TNRC18: variants seen among roughly 807,000 people sequenced by gnomAD.
TNRC18 encodes trinucleotide repeat containing 18.
A neutral mutation model predicts 226.7 loss-of-function variants in TNRC18; 69 were observed. That is an observed-to-expected ratio of 0.30 (90% CI 0.25 to 0.37). The LOEUF (loss-of-function observed/expected upper bound fraction) is 0.37. TNRC18 is among the 10% of genes least tolerant of loss of function. The pLI, the probability that TNRC18 is intolerant of heterozygous loss-of-function variation, is 1.00. For missense variants in TNRC18, 4,754 were observed against 4,256.6 expected (o/e 1.12, Z -3.25); for synonymous variants, 2,449 against 1,927.6 (o/e 1.27, Z -7.09).
intron 14 of TNRC18, among the ~76,000 whole-genome samples, chr7:5,360,813 T>C (rs1240835419): frequency 3.3e-5 from 5 of 152,144 alleles, no homozygotes; most frequent in Admixed American, 6.5e-5. Flanking sequence ...CATGGGGGCC[T>C]TGGGGCTGTT....
intron 17 of TNRC18, among the ~76,000 whole-genome samples, chr7:5,347,996 G>A (rs776112355): frequency 3.9e-5 from 6 of 152,086 alleles, no homozygotes; most frequent in African/African-American, 1.4e-4. Context: ...ACATAAAGAA[G>A]CCCCAGCCTG....
At chr7:5,392,081 C>T (rs1408063827) in intron 3 of TNRC18, among the ~76,000 whole-genome samples, 1 of 152,026 alleles carries the variant, frequency 6.6e-6, no homozygotes, top group Non-Finnish European at 1.5e-5. Context: ...GATGTCTTCT[C>T]TCCAGCACCG....
intron 21 of TNRC18, among the ~76,000 whole-genome samples, chr7:5,323,864 G>C (rs1028871503): frequency 6.6e-6 from 1 of 152,226 alleles, no homozygotes; most frequent in East Asian, 1.9e-4. Flanking sequence ...CACCACGCTC[G>C]GCCCAGACAG....
intron 17 of TNRC18, among the ~76,000 whole-genome samples, chr7:5,350,217 G>A (rs898970147): frequency 4.6e-5 from 7 of 152,034 alleles, no homozygotes; most frequent in Non-Finnish European, 7.4e-5. Context: ...CTCGGAAAAC[G>A]AGGCTGGCCA....
At chr7:5,337,988 A>C (rs1790293703) in intron 18 of TNRC18, among the ~76,000 whole-genome samples, 1 of 152,164 alleles carries the variant, frequency 6.6e-6, no homozygotes, top group Non-Finnish European at 1.5e-5. Flanking sequence ...ATCTCAAAAA[A>C]CAAAACAAAA....
At chr7:5,358,301 C>A (rs1792669405) in intron 15 of TNRC18, among the ~76,000 whole-genome samples, 1 of 152,162 alleles carries the variant, frequency 6.6e-6, no homozygotes, top group African/African-American at 2.4e-5. Flanking sequence ...CACGCAGTTT[C>A]AAAGCCATTA....
chr7:5,359,668 G>A, intron 14 of TNRC18, 99 bp from the exon 15 acceptor site: 3 of 1,388,206 alleles, frequency 2.2e-6, no homozygotes, highest in Admixed American at 3.7e-5. Flanking sequence ...TCTGGACCCT[G>A]AGCGTGGACA....
chr7:5,318,000 T>C (rs1483215310), intron 24 of TNRC18, among the ~76,000 whole-genome samples: 1 of 152,058 alleles, frequency 6.6e-6, no homozygotes, highest in East Asian at 1.9e-4. Flanking sequence ...GCCTCCCGAG[T>C]AGCTGGGATT....
rs552299990 is a variant in TNRC18, at chr7:5,394,655, GCCCACCGCCCCGA to G, written c.188-73_188-61del. On this transcript the variant is annotated intron_variant, in intron 2 of 29. Coordinates refer to ENST00000430969, the MANE Select transcript of TNRC18 (RefSeq NM_001080495.3). The surrounding 1 kb of genome is among the most constrained non-coding windows in gnomAD (Gnocchi z 4.5). Reference sequence around the variant, plus strand: ...CAACCAGGGAGGCGCCGCCGCCCCAGCCCACCGCCCCGACCCACCGCCCCGAGACCGCCGCCTC... The same window carrying G: ...CAACCAGGGAGGCGCCGCCGCCCCAGCCCACCGCCCCGAGACCGCCGCCTC... 8.3e-4 allele frequency: 1,033 copies of G among 1,251,470 alleles called. 9 individuals are homozygous for G. The South Asian group carries it at 0.013, about 15-fold the overall frequency. 77.5% of individuals were successfully genotyped at this position (1,251,470 alleles called of 1,614,324 possible). A position where few individuals can be genotyped will look rare whatever the true frequency, so the allele number is the denominator to read the frequency against.
At chr7:5,348,289 C>T (rs148946408) in intron 17 of TNRC18, among the ~76,000 whole-genome samples, 1 of 152,342 alleles carries the variant, frequency 6.6e-6, no homozygotes, top group South Asian at 2.1e-4. Flanking sequence ...GGGTGCCCAT[C>T]TGCCTCACGG....
intron 24 of TNRC18, among the ~76,000 whole-genome samples, chr7:5,319,447 C>A (rs1788137390): frequency 6.6e-6 from 1 of 152,142 alleles, no homozygotes; most frequent in Non-Finnish European, 1.5e-5. Context: ...GTCTTTCTTG[C>A]CTGTCTGATA....
chr7:5,361,546 C>T (rs1793048957), intron 14 of TNRC18, 48 bp downstream of exon 14: 4 of 1,445,784 alleles, frequency 2.8e-6, no homozygotes, highest in African/African-American at 3.0e-5. Flanking sequence ...CGGGCTCCTC[C>T]CCTCAAGCTG....
intron 25 of TNRC18, 72 bp downstream of exon 25, chr7:5,315,884 C>T (rs1041356394): frequency 1.9e-5 from 22 of 1,180,026 alleles, no homozygotes; most frequent in African/African-American, 3.1e-5. Context: ...AGCTCAGAGC[C>T]GGGCTTGGAG....
At chr7:5,341,650 G>C (rs1000540232) in intron 18 of TNRC18, among the ~76,000 whole-genome samples, 2 of 149,240 alleles carry the variant, frequency 1.3e-5, no homozygotes, top group African/African-American at 2.5e-5. Context: ...TGTAATCCCA[G>C]CTACTCGGGA....
At chr7:5,345,846 T>C (rs1350442112) in intron 17 of TNRC18, 36 bp from the exon 18 acceptor site, 8 of 1,520,028 alleles carry the variant, frequency 5.3e-6, no homozygotes, top group Admixed American at 2.0e-5. Flanking sequence ...GTCAGAGCCT[T>C]GGCCTTGGCG....
chr7:5,349,467 G>A (rs911043311), intron 17 of TNRC18, among the ~76,000 whole-genome samples: 12 of 152,194 alleles, frequency 7.9e-5, no homozygotes, highest in African/African-American at 2.7e-4. Flanking sequence ...AAAGATCTTG[G>A]CTCAGGACAT....
intron 2 of TNRC18, among the ~76,000 whole-genome samples, chr7:5,400,119 A>T (rs1004662024): frequency 3.9e-5 from 6 of 152,038 alleles, no homozygotes; most frequent in Non-Finnish European, 8.8e-5. Flanking sequence ...GGGGTCTAGA[A>T]TTCCTGGGCT....
chr7:5,389,460 G>GTTTTTTTTTTTTTTTT, intron 4 of TNRC18, 124 bp from the exon 5 acceptor site: 2 of 535,692 alleles, frequency 3.7e-6, no homozygotes, highest in African/African-American at 6.9e-5. Flanking sequence ...TTTTGGTTTT[G>GTTTTTTTTTTTTTTTT]GTTTTTTTTT....
intron 2 of TNRC18, among the ~76,000 whole-genome samples, chr7:5,417,852 AAT>A (rs1782288215): frequency 6.6e-6 from 1 of 152,158 alleles, no homozygotes; most frequent in Admixed American, 6.6e-5. Flanking sequence ...TTCACTGATT[AAT>A]CTTTCTAAAT....
Sources: allele counts gnomAD v4.1 joint callset (sites outside exome capture counted in the v4.1 genomes callset), GRCh38; gene constraint gnomAD v4.1.1; non-coding constraint Gnocchi (gnomAD v3.1); transcripts MANE v1.5; gene names NCBI Gene and HGNC (gene_info 2026-07-23, HGNC 2026-07-21).